The following ERG variants were observed in gnomAD, a reference collection of about 807,000 sequenced individuals.
ERG encodes ETS transcription factor ERG.
A neutral mutation model predicts 55.3 loss-of-function variants in ERG; 9 were observed. The observed-to-expected ratio is 0.16, with a 90% CI of 0.10 to 0.28. The LOEUF (loss-of-function observed/expected upper bound fraction) is 0.28, where lower values mean the gene tolerates loss of function less well. Ranked by LOEUF, ERG falls within the 10% of genes least tolerant of loss-of-function variation. ERG has a pLI of 1.00. For synonymous variants in ERG, 223 were observed against 237.3 expected (o/e 0.94, Z 0.55); for missense variants, 434 against 631.6 (o/e 0.69, Z 3.35).
chr21:38,602,425 A>C (rs1252653452), intron 1 of ERG, among the ~76,000 whole-genome samples: 3 of 152,032 alleles, frequency 2.0e-5, no homozygotes, highest in African/African-American at 7.3e-5. Flanking sequence ...AGCCTGGGTG[A>C]CAGAGCGGGA....
intron 1 of ERG, among the ~76,000 whole-genome samples, chr21:38,496,602 T>C (rs963905928): frequency 8.5e-5 from 13 of 152,342 alleles, no homozygotes; most frequent in Non-Finnish European, 7.3e-5. Flanking sequence ...CTTGGGTACA[T>C]ACAATAAACA....
At chr21:38,594,863 C>G (rs1004587658) in intron 1 of ERG, among the ~76,000 whole-genome samples, 2 of 152,112 alleles carry the variant, frequency 1.3e-5, no homozygotes, top group Non-Finnish European at 2.9e-5. Flanking sequence ...ATAGAAGCCC[C>G]CTGTCGAAAC....
chr21:38,589,633 T>C (rs1051608524), upstream of ERG, among the ~76,000 whole-genome samples: 1 of 152,100 alleles, frequency 6.6e-6, no homozygotes, highest in Non-Finnish European at 1.5e-5. Flanking sequence ...AGAAAGGCCA[T>C]AGAGTAGTAG....
At chr21:38,445,979 A>T (rs1450050167) in intron 1 of ERG, among the ~76,000 whole-genome samples, 2 of 151,960 alleles carry the variant, frequency 1.3e-5, no homozygotes, top group Non-Finnish European at 1.5e-5. Context: ...TAATTCAAGC[A>T]GACAGGGTAC....
intron 1 of ERG, among the ~76,000 whole-genome samples, chr21:38,634,045 C>T (rs891420797): frequency 6.6e-6 from 1 of 151,948 alleles, no homozygotes; most frequent in African/African-American, 2.4e-5. Context: ...AAAAATAATA[C>T]GTCCACAAAA....
At chr21:38,610,526 C>CGTGTGT (rs148197703) in intron 1 of ERG, among the ~76,000 whole-genome samples, 3,506 of 150,486 alleles carry the variant, frequency 0.023, 130 homozygotes, top group African/African-American at 0.082. Flanking sequence ...CGCGCACGCG[C>CGTGTGT]GTGTGTGTGT....
intron 1 of ERG, among the ~76,000 whole-genome samples, chr21:38,451,557 G>A (rs1166074674): frequency 6.6e-6 from 1 of 152,192 alleles, no homozygotes; most frequent in Non-Finnish European, 1.5e-5. Flanking sequence ...GCAGACCTAA[G>A]GATATTGGAA....
At position 38,383,474 on chromosome 21, in the gene ERG, T is replaced by C. The variant is rs755521728; in HGVS notation, c.1369A>G (p.Thr457Ala). The C allele has an allele frequency of 2.0e-6, 3 of 1,535,096 alleles. No individual in the cohort carries two copies. Among genetic ancestry groups the C allele is most frequent in the South Asian group, 2.5e-5 (2 of 78,964 alleles). The change falls in exon 10 of 10, where the codon ACT becomes GCT. Residue 457 changes from threonine to alanine, a missense_variant. Thr to Ala is a moderately conservative substitution (Grantham distance 58, BLOSUM62 0). Coordinates refer to ENST00000288319, the MANE Select transcript of ERG (RefSeq NM_182918.4). This position sits in a 1 kb window ranked among gnomAD's most constrained non-coding sequence, Gnocchi z 5.7. ...AAPNPYWNSP[T>A]GGIYPNTRLP... The stretch of plus-strand genomic sequence containing the variant: ...CTAGTGTTGGGGTATATACCCCCAG[T>C]TGGTGAATTCCAGTATGGGTTTGGG...
At chr21:38,395,172 C>T (rs916639069) in intron 6 of ERG, among the ~76,000 whole-genome samples, 20 of 152,180 alleles carry the variant, frequency 1.3e-4, no homozygotes, top group South Asian at 4.1e-4. Context: ...CCATGACATT[C>T]TGGTCCAATG....
At chr21:38,445,249 C>T (rs1325274545) in intron 2 of ERG, among the ~76,000 whole-genome samples, 155 bp downstream of exon 2, 2 of 150,288 alleles carry the variant, frequency 1.3e-5, no homozygotes, top group Non-Finnish European at 2.9e-5. Flanking sequence ...TCAAGTGATT[C>T]TCCTGCCTCA....
chr21:38,567,886 C>A (rs2059932873), intron 2 of ERG, among the ~76,000 whole-genome samples: 1 of 152,206 alleles, frequency 6.6e-6, no homozygotes, highest in Non-Finnish European at 1.5e-5. Context: ...TCAGGCTTCA[C>A]AGTGACCTCG....
At chr21:38,438,704 T>G (rs1185420232) in intron 2 of ERG, among the ~76,000 whole-genome samples, 2 of 152,154 alleles carry the variant, frequency 1.3e-5, no homozygotes. Flanking sequence ...ATTTCTCAAC[T>G]CAGGCAAGGA....
At chr21:38,376,934 C>T (rs1987259490), downstream of ERG, among the ~76,000 whole-genome samples, 1 of 152,222 alleles carries the variant, frequency 6.6e-6, no homozygotes, top group South Asian at 2.1e-4. Flanking sequence ...GCTTTGCTTC[C>T]TGTCTGATAA....
chr21:38,585,532 C>CT (rs760791568), upstream of ERG, among the ~76,000 whole-genome samples: 19,271 of 58,700 alleles, frequency 0.33, 5,711 homozygotes, highest in East Asian at 0.47. Flanking sequence ...TCTCTCTCTT[C>CT]TTTTTTTTTT....
chr21:38,369,286 T>C, the ERG span, among the ~76,000 whole-genome samples: 1 of 152,164 alleles, frequency 6.6e-6, no homozygotes, highest in Non-Finnish European at 1.5e-5. Flanking sequence ...CTGTTATTTT[T>C]TGACTTTTTA....
At chr21:38,656,308 C>T (rs1298017608) in intron 1 of ERG, among the ~76,000 whole-genome samples, 1 of 152,022 alleles carries the variant, frequency 6.6e-6, no homozygotes, top group Non-Finnish European at 1.5e-5. Flanking sequence ...ATCTGTAGAC[C>T]AAGAAGGAAC....
At chr21:38,635,263 T>A (rs2060381136) in intron 1 of ERG, among the ~76,000 whole-genome samples, 1 of 152,070 alleles carries the variant, frequency 6.6e-6, no homozygotes. Context: ...CTGAAAAATG[T>A]GAGCCTACTA....
chr21:38,420,700 C>T (rs1297970019), intron 3 of ERG, among the ~76,000 whole-genome samples: 1 of 152,150 alleles, frequency 6.6e-6, no homozygotes, highest in Non-Finnish European at 1.5e-5. Flanking sequence ...TGTAGAAAGA[C>T]TCAAGTCTGG....
intron 1 of ERG, among the ~76,000 whole-genome samples, chr21:38,489,880 G>T (rs9981032): frequency 0.36 from 54,166 of 152,112 alleles, 11,191 homozygotes; most frequent in African/African-American, 0.58. Flanking sequence ...GGCTCAGGAG[G>T]GGTCCCCCTC....
Sources: gnomAD v4.1 joint callset for allele counts (sites outside exome capture counted in the v4.1 genomes callset) on GRCh38, gnomAD v4.1.1 for gene constraint, Gnocchi (gnomAD v3.1) non-coding constraint, MANE v1.5 for transcripts, NCBI Gene and HGNC (gene_info 2026-07-23, HGNC 2026-07-21) for gene names.